The following PHC1 variants were observed in gnomAD, a reference collection of about 807,000 sequenced individuals.
The protein encoded by PHC1 is polyhomeotic-like protein 1.
A neutral mutation model predicts 104.3 loss-of-function variants in PHC1; 12 were observed. The ratio of observed to expected loss-of-function variants is 0.12; its 90% CI spans 0.07 to 0.19. The LOEUF is 0.19. PHC1 is among the 10% of genes least tolerant of loss of function. The pLI, the probability that PHC1 is intolerant of heterozygous loss-of-function variation, is 1.00. For missense variants in PHC1, 671 were observed against 1,200.0 expected, an observed-to-expected ratio of 0.56 and a Z score of 6.51; for synonymous variants, 302 against 455.8, an observed-to-expected ratio of 0.66 and a Z score of 4.30.
intron 6 of PHC1, among the ~76,000 whole-genome samples, chr12:8,925,070 ATG>A (rs1263623937): frequency 6.6e-6 from 1 of 152,196 alleles, no homozygotes; most frequent in East Asian, 1.9e-4. Context: ...GAGTGTCAAT[ATG>A]TGGAGGAACA....
chr12:8,929,471 C>A (rs1199315006), intron 6 of PHC1, among the ~76,000 whole-genome samples: 4 of 151,528 alleles, frequency 2.6e-5, no homozygotes, highest in African/African-American at 9.7e-5. Flanking sequence ...TTTATAATTT[C>A]TAAAAATACA....
intron 5 of PHC1, 83 bp from the exon 6 acceptor site, chr12:8,922,550 G>C (rs1474771623): frequency 1.6e-6 from 2 of 1,229,634 alleles, no homozygotes; most frequent in Admixed American, 2.2e-5. Flanking sequence ...TGTTTATTTT[G>C]TCTTGTGGTC....
At chr12:8,925,770 G>A (rs1197264022) in intron 6 of PHC1, among the ~76,000 whole-genome samples, 2 of 152,076 alleles carry the variant, frequency 1.3e-5, no homozygotes, top group East Asian at 1.9e-4. Flanking sequence ...AGCTATAGAA[G>A]GATTTTAAAT....
At chr12:8,933,552 G>A (rs1945751176) in intron 8 of PHC1, 2 of 745,756 alleles carry the variant, frequency 2.7e-6, no homozygotes, top group Non-Finnish European at 2.1e-6. Context: ...TACTATTCTG[G>A]GTTTTTGGGT....
intron 7 of PHC1, 139 bp downstream of exon 7, chr12:8,931,066 A>G: frequency 1.2e-6 from 1 of 851,128 alleles, no homozygotes. Flanking sequence ...AGGAATGGGA[A>G]TAATATCAGC....
chr12:8,924,481 CAAAA>C (rs1945460239), intron 6 of PHC1, among the ~76,000 whole-genome samples: 1 of 152,056 alleles, frequency 6.6e-6, no homozygotes, highest in African/African-American at 2.4e-5. Flanking sequence ...GTCTCCAAAA[CAAAA>C]AGAAAGTGCT....
chr12:8,931,013 C>T, intron 7 of PHC1, 86 bp downstream of exon 7: 2 of 1,421,216 alleles, frequency 1.4e-6, no homozygotes, highest in African/African-American at 1.4e-5. Flanking sequence ...TTTTCTTTGC[C>T]TTTTTGTTTT....
At chr12:8,924,887 G>T (rs908303933) in intron 6 of PHC1, among the ~76,000 whole-genome samples, 1 of 152,220 alleles carries the variant, frequency 6.6e-6, no homozygotes, top group African/African-American at 2.4e-5. Flanking sequence ...TGTTCTAACA[G>T]TTCCTGGAGA....
intron 11 of PHC1, among the ~76,000 whole-genome samples, chr12:8,936,377 C>G (rs2137132175): frequency 6.6e-6 from 1 of 152,168 alleles, no homozygotes; most frequent in Admixed American, 6.5e-5. Flanking sequence ...GTGAGACTGT[C>G]TCAAAAAAAT....
rs1170907106 is a variant in PHC1 at position 8,939,640 on chromosome 12, C to CT, written c.*184dup. The CT allele has an allele frequency of 1.9e-6, 1 of 523,716 alleles. No homozygotes were observed. Among genetic ancestry groups the CT allele is most frequent in the East Asian group, 3.4e-5 (1 of 29,702 alleles). The allele number at this position is 523,716 out of a possible 1,614,324, so 32.4% of individuals were successfully genotyped here. ...GGTTGCTGGTGCTACATGGCGGCAGCTTTGACATTTTCTCTGGGTTCTACT... is the reference window on the plus strand; with the variant it reads ...GGTTGCTGGTGCTACATGGCGGCAGCTTTTGACATTTTCTCTGGGTTCTACT... On this transcript the variant is annotated 3_prime_UTR_variant, in exon 15 of 15. Coordinates refer to ENST00000544916, the MANE Select transcript of PHC1 (RefSeq NM_004426.3).
intron 10 of PHC1, 44 bp downstream of exon 10, chr12:8,934,522 G>C: frequency 6.9e-7 from 1 of 1,440,250 alleles, no homozygotes; most frequent in Non-Finnish European, 9.6e-7. Context: ...TGGGGACTTG[G>C]TCTGATTGTT....
chr12:8,936,256 C>T (rs1945834364), intron 11 of PHC1, among the ~76,000 whole-genome samples: 1 of 152,152 alleles, frequency 6.6e-6, no homozygotes. Context: ...GTGGCACATG[C>T]TTGTAGTCCC....
rs759847706 is a variant in PHC1, at chr12:8,921,329, T to C, written c.306+264T>C. On this transcript the variant is annotated intron_variant, in intron 4 of 14. Transcript: ENST00000544916. ...AAGAAGGGGACTAATCCCTGGACTC[T>C]TCAATGAGAAGTAAAATCTGTTCTG... Among the ~76,000 whole-genome samples the C allele has an allele frequency of 3.1e-4, 47 of 152,310 alleles. 1 individual carries two copies. Among genetic ancestry groups the C allele is most frequent in the South Asian group, 1.7e-3 (8 of 4,822 alleles).
intron 8 of PHC1, 43 bp from the exon 9 acceptor site, chr12:8,933,822 T>G: frequency 6.4e-7 from 1 of 1,551,908 alleles, no homozygotes; most frequent in South Asian, 1.2e-5. Context: ...TTATTATCCT[T>G]CATTTGTACA....
At chr12:8,936,615 G>A (rs978418335) in intron 11 of PHC1, among the ~76,000 whole-genome samples, 1 of 152,152 alleles carries the variant, frequency 6.6e-6, no homozygotes, top group African/African-American at 2.4e-5. Flanking sequence ...GATAAAATTA[G>A]TAAGACATCT....
intron 14 of PHC1, among the ~76,000 whole-genome samples, chr12:8,939,093 T>A (rs1945932845): frequency 6.6e-6 from 1 of 152,264 alleles, no homozygotes; most frequent in Non-Finnish European, 1.5e-5. Context: ...CCTAAAATGC[T>A]GGGATTATAG....
At chr12:8,932,137 G>A (rs1365316345) in intron 7 of PHC1, among the ~76,000 whole-genome samples, 1 of 152,224 alleles carries the variant, frequency 6.6e-6, no homozygotes. Context: ...TGCTTCTGCA[G>A]TGTCAGGCCC....
chr12:8,933,364 G>A lies in PHC1; in HGVS notation c.1893+14G>A. 1.3e-6 allele frequency: 2 copies of A among 1,547,386 alleles called. No homozygotes were observed. Among genetic ancestry groups the A allele is most frequent in the South Asian group, 1.2e-5 (1 of 83,206 alleles). ...GTGCACTTGCCGGTGAGTGATGTCT[G>A]ATGGTTTTGAGGGCACTATTATGCA... On this transcript the variant is annotated intron_variant, in intron 8 of 14. Coordinates refer to ENST00000544916, the MANE Select transcript of PHC1 (RefSeq NM_004426.3).
chr12:8,935,267 G>A, intron 11 of PHC1, 29 bp downstream of exon 11: 2 of 1,225,588 alleles, frequency 1.6e-6, no homozygotes, highest in Non-Finnish European at 1.2e-6. Flanking sequence ...ACTCATTTGG[G>A]GGAAGGAGAC....
Sources: gnomAD v4.1 joint callset for allele counts (sites outside exome capture counted in the v4.1 genomes callset) on GRCh38, gnomAD v4.1.1 for gene constraint, MANE v1.5 for transcripts, NCBI Gene and HGNC (gene_info 2026-07-23, HGNC 2026-07-21) for gene names.